Variants in BAZ1A observed in about 807,000 individuals in gnomAD.
BAZ1A encodes bromodomain adjacent to zinc finger domain protein 1A.
Under a neutral mutation model 185.2 loss-of-function variants are expected in BAZ1A, and 50 were observed. That is an observed-to-expected ratio of 0.27 (90% confidence interval 0.22 to 0.34). The LOEUF is 0.34. Among genes scored for constraint, BAZ1A ranks in the 10% least tolerant of loss-of-function variants. BAZ1A has a pLI of 1.00. For synonymous variants in BAZ1A, 571 were observed against 615.6 expected, an observed-to-expected ratio of 0.93 and a Z score of 1.07; for missense variants, 1,356 against 1,839.9, an observed-to-expected ratio of 0.74 and a Z score of 4.81.
chr14:34,867,823 A>C (rs2042885289), intron 2 of BAZ1A, among the ~76,000 whole-genome samples: 1 of 152,158 alleles, frequency 6.6e-6, no homozygotes, highest in Admixed American at 6.5e-5. Flanking sequence ...ACTTTCTCCC[A>C]CTTCTGTAAT....
At chr14:34,803,246 G>C (rs1271120147) in intron 6 of BAZ1A, among the ~76,000 whole-genome samples, 1 of 151,996 alleles carries the variant, frequency 6.6e-6, no homozygotes, top group Non-Finnish European at 1.5e-5. Flanking sequence ...GGGTGTGGTG[G>C]CACACGTCTG....
In BAZ1A at chr14:34,861,194, G is replaced by T. The variant is rs1052763368; in HGVS notation, c.392+850C>A. 3.0e-4 allele frequency among the ~76,000 whole-genome samples: 46 copies of T among 152,168 alleles called. 1 individual carries two copies. The highest frequency in any genetic ancestry group is 1.1e-3 in the African/African-American group (45 of 41,532). ...ATGGGGGCAGGGCATCCAAAAAACAGTTAATACCTAAAGTCAAGAGGCTAC... is the reference window on the plus strand; with the variant it reads ...ATGGGGGCAGGGCATCCAAAAAACATTTAATACCTAAAGTCAAGAGGCTAC... On this transcript the variant is annotated intron_variant, in intron 3 of 26. Transcript: ENST00000360310.
intron 23 of BAZ1A, 74 bp from the exon 24 acceptor site, chr14:34,762,297 TTG>T: frequency 1.4e-6 from 2 of 1,398,532 alleles, no homozygotes; most frequent in African/African-American, 2.9e-5. Flanking sequence ...ATTCTCCTTG[TTG>T]TATTTAGCCA....
At chr14:34,860,518 TAA>T (rs397852116) in intron 3 of BAZ1A, among the ~76,000 whole-genome samples, 14 of 70,594 alleles carry the variant, frequency 2.0e-4, no homozygotes, top group Non-Finnish European at 3.0e-4. Context: ...TACCAAAAGT[TAA>T]AAAAAAAAAA....
intron 3 of BAZ1A, among the ~76,000 whole-genome samples, chr14:34,848,566 C>T (rs2042550939): frequency 6.6e-6 from 1 of 152,142 alleles, no homozygotes; most frequent in Admixed American, 6.6e-5. Context: ...CGCGCCACTC[C>T]AGCCTGGGCG....
intron 6 of BAZ1A, among the ~76,000 whole-genome samples, chr14:34,804,873 G>C (rs1881770076): frequency 6.6e-6 from 1 of 152,130 alleles, no homozygotes; most frequent in African/African-American, 2.4e-5. Flanking sequence ...AGCAGTCTAT[G>C]CTCACCAAAA....
intron 3 of BAZ1A, among the ~76,000 whole-genome samples, chr14:34,829,028 G>A (rs1052162040): frequency 1.3e-5 from 2 of 152,206 alleles, no homozygotes; most frequent in African/African-American, 4.8e-5. Context: ...TTGAGAGGGT[G>A]AGAAAGGCGG....
intron 20 of BAZ1A, among the ~76,000 whole-genome samples, chr14:34,772,932 G>A (rs1338822528): frequency 6.6e-6 from 1 of 152,198 alleles, no homozygotes; most frequent in African/African-American, 2.4e-5. Context: ...GGAGGCTGAG[G>A]CAGAAGAATT....
chr14:34,830,809 G>C (rs1343015916), intron 3 of BAZ1A, among the ~76,000 whole-genome samples: 1 of 138,762 alleles, frequency 7.2e-6, no homozygotes, highest in African/African-American at 2.8e-5. Context: ...CTGTCCCCCA[G>C]GCAGTGTGCA....
chr14:34,857,080 C>G (rs2138806511), intron 3 of BAZ1A, among the ~76,000 whole-genome samples: 1 of 148,568 alleles, frequency 6.7e-6, no homozygotes, highest in South Asian at 2.2e-4. Context: ...AATCTCGGCT[C>G]ACTGCAAGCT....
At chr14:34,774,217 G>C (rs1879437108) in intron 19 of BAZ1A, 110 bp downstream of exon 19, 1 of 765,172 alleles carries the variant, frequency 1.3e-6, no homozygotes, top group Non-Finnish European at 1.9e-6. Flanking sequence ...ATCATTCTCT[G>C]GTGTTTATTC....
intron 2 of BAZ1A, among the ~76,000 whole-genome samples, chr14:34,863,938 C>T (rs1355005514): frequency 1.3e-5 from 2 of 151,600 alleles, no homozygotes; most frequent in Non-Finnish European, 1.5e-5. Flanking sequence ...TCTGTCTTGC[C>T]TCAGCCTCCT....
chr14:34,782,526 A>G (rs1021981304), intron 16 of BAZ1A, among the ~76,000 whole-genome samples: 1 of 152,096 alleles, frequency 6.6e-6, no homozygotes, highest in African/African-American at 2.4e-5. Context: ...ATTCTTTCAT[A>G]TTCTGGATAC....
chr14:34,774,330 G>A lies in BAZ1A; in HGVS notation c.2994C>T (p.Ile998=), dbSNP rs780456149. The A allele has an allele frequency of 6.2e-7, 1 of 1,604,650 alleles. No homozygotes were observed. Among genetic ancestry groups the A allele is most frequent in the South Asian group, 1.1e-5 (1 of 88,582 alleles). The part of the protein sequence containing the change: ...DRIYQGTLGA[I]KVTDRHIWRS... ...AAAAATGGGAACAAGTACAAACCTT[G>A]ATGGCTCCTAATGTTCCTTGGTAGA... Residue 998 remains isoleucine, a synonymous_variant, in exon 19 of 27, where the codon ATC becomes ATT. Transcript: ENST00000360310.
At chr14:34,787,700 CAAAACAAAAA>C (rs1315661396) in intron 12 of BAZ1A, among the ~76,000 whole-genome samples, 2 of 151,904 alleles carry the variant, frequency 1.3e-5, no homozygotes, top group African/African-American at 4.8e-5. Flanking sequence ...CAAAACAAAA[CAAAACAAAAA>C]CACAATAGGA....
At position 34,754,833 on chromosome 14, in the gene BAZ1A, A is replaced by G. The variant is rs765465280; in HGVS notation, c.4468T>C (p.Leu1490=). 6.3e-7 allele frequency: 1 copy of G among 1,579,822 alleles called. No homozygotes were observed. Among genetic ancestry groups the G allele is most frequent in the South Asian group, 1.2e-5 (1 of 86,902 alleles). ...REKVNKCEYK[L]ASEFIDDIEL... is the part of the protein sequence containing the mutation. ...AAAAACATAAATTACTTACATGCTAATTTATATTCACACTTATTCACTTTT... is the reference window on the plus strand; with the variant it reads ...AAAAACATAAATTACTTACATGCTAGTTTATATTCACACTTATTCACTTTT... Residue 1490 remains leucine (L), a synonymous_variant, in exon 26 of 27, where the codon TTA becomes CTA. Transcript: ENST00000360310.
At chr14:34,846,556 T>C (rs1186708709) in intron 3 of BAZ1A, among the ~76,000 whole-genome samples, 1 of 152,258 alleles carries the variant, frequency 6.6e-6, no homozygotes, top group Non-Finnish European at 1.5e-5. Flanking sequence ...CATAGCTTTA[T>C]ATGCTATTTG....
chr14:34,826,737 T>C (rs887414294), intron 3 of BAZ1A, among the ~76,000 whole-genome samples: 3 of 152,226 alleles, frequency 2.0e-5, no homozygotes, highest in Non-Finnish European at 4.4e-5. Context: ...GAGATTGTGA[T>C]GCTTAATTTT....
intron 3 of BAZ1A, among the ~76,000 whole-genome samples, chr14:34,857,214 G>A (rs1351666730): frequency 6.6e-6 from 1 of 151,982 alleles, no homozygotes; most frequent in African/African-American, 2.4e-5. Flanking sequence ...CACCGTGTTA[G>A]CCAGGATGGT....
Sources: allele counts gnomAD v4.1 joint callset (sites outside exome capture counted in the v4.1 genomes callset), GRCh38; gene constraint gnomAD v4.1.1; transcripts MANE v1.5; gene names NCBI Gene and HGNC (gene_info 2026-07-23, HGNC 2026-07-21).